The following TRAPPC9 variants were observed in gnomAD, a reference collection of about 807,000 sequenced individuals.
TRAPPC9 encodes the protein trafficking protein particle complex subunit 9.
TRAPPC9 carries 83 observed loss-of-function variants against 124.0 expected under a neutral mutation model. That is an observed-to-expected ratio of 0.67 (90% CI 0.56 to 0.80). The LOEUF (loss-of-function observed/expected upper bound fraction) is 0.80. TRAPPC9 is among the 30% of genes least tolerant of loss of function. TRAPPC9 has a pLI of 0.00. For synonymous variants in TRAPPC9, 638 were observed against 617.5 expected, an observed-to-expected ratio of 1.03 and a Z score of -0.49; for missense variants, 1,302 against 1,508.3, an observed-to-expected ratio of 0.86 and a Z score of 2.27.
At chr8:140,092,828 T>C (rs1844663790) in intron 17 of TRAPPC9, among the ~76,000 whole-genome samples, 1 of 152,192 alleles carries the variant, frequency 6.6e-6, no homozygotes, top group South Asian at 2.1e-4. Flanking sequence ...AGCATAAGGG[T>C]TAAGAGAATG....
intron 9 of TRAPPC9, among the ~76,000 whole-genome samples, chr8:140,345,449 T>C (rs1257251939): frequency 6.6e-6 from 1 of 152,056 alleles, no homozygotes; most frequent in East Asian, 1.9e-4. Context: ...CTCTGGGCCC[T>C]GAGGTCCTGG....
intron 16 of TRAPPC9, among the ~76,000 whole-genome samples, chr8:140,223,496 C>A (rs2063382232): frequency 6.6e-6 from 1 of 152,148 alleles, no homozygotes; most frequent in Non-Finnish European, 1.5e-5. Flanking sequence ...AGCCTAGGAT[C>A]CTTTTCGCTT....
At chr8:140,019,034 AAAT>A (rs1350966453) in intron 18 of TRAPPC9, among the ~76,000 whole-genome samples, 6 of 152,216 alleles carry the variant, frequency 3.9e-5, no homozygotes, top group Non-Finnish European at 8.8e-5. Flanking sequence ...GACTTTTGTC[AAAT>A]AATGTTTCTT....
chr8:140,324,864 A>G (rs2066697115), intron 9 of TRAPPC9, among the ~76,000 whole-genome samples: 1 of 152,258 alleles, frequency 6.6e-6, no homozygotes, highest in Non-Finnish European at 1.5e-5. Flanking sequence ...AACTTCTTCA[A>G]CTGACATTCA....
chr8:139,893,007 G>A (rs1468570390), intron 20 of TRAPPC9, among the ~76,000 whole-genome samples: 2 of 152,224 alleles, frequency 1.3e-5, no homozygotes, highest in Admixed American at 6.5e-5. Flanking sequence ...GTGGTCAGGA[G>A]GATGAAAAGA....
At chr8:139,884,640 G>A (rs908960740) in intron 21 of TRAPPC9, among the ~76,000 whole-genome samples, 1 of 152,240 alleles carries the variant, frequency 6.6e-6, no homozygotes, top group Non-Finnish European at 1.5e-5. Flanking sequence ...TAGGGACACG[G>A]CTGACTGTGC....
intron 19 of TRAPPC9, among the ~76,000 whole-genome samples, chr8:139,917,084 C>T (rs540283112): frequency 9.2e-5 from 14 of 151,732 alleles, no homozygotes; most frequent in African/African-American, 2.2e-4. Context: ...GTATGGATCA[C>T]GCCCTGAGAG....
intron 19 of TRAPPC9, among the ~76,000 whole-genome samples, chr8:139,928,022 T>C (rs1052077156): frequency 1.2e-4 from 18 of 152,232 alleles, no homozygotes; most frequent in African/African-American, 3.9e-4. Context: ...GAAAATTCCT[T>C]GCGTATAGAC....
At chr8:140,258,195 G>T (rs965671935) in intron 15 of TRAPPC9, among the ~76,000 whole-genome samples, 10 of 152,256 alleles carry the variant, frequency 6.6e-5, no homozygotes, top group Non-Finnish European at 1.2e-4. Context: ...TCCCCGGAGA[G>T]ACCGCCATTC....
chr8:139,882,977 T>C lies in TRAPPC9; in HGVS notation c.3055+2902A>G, dbSNP rs372252841. Among the ~76,000 whole-genome samples, 30 of 152,358 alleles carry C rather than the reference T, an allele frequency of 2.0e-4. No individual in the cohort carries two copies. The South Asian group carries it at 5.8e-3, about 29-fold the overall frequency. On this transcript the variant is annotated intron_variant, in intron 21 of 22. Transcript: ENST00000438773. ...TGAAAAAAGGGTGCTACGGATTGAATGTCTCCTCCAAAACTCACGTTGAAA... is the reference window on the plus strand; with the variant it reads ...TGAAAAAAGGGTGCTACGGATTGAACGTCTCCTCCAAAACTCACGTTGAAA...
At chr8:140,358,558 G>A (rs940815565) in intron 9 of TRAPPC9, among the ~76,000 whole-genome samples, 6 of 152,174 alleles carry the variant, frequency 3.9e-5, no homozygotes, top group African/African-American at 1.2e-4. Flanking sequence ...CACACCCCAC[G>A]TTACCCTGGA....
In TRAPPC9 at chr8:140,311,337, C is replaced by G. The variant is rs750274973; in HGVS notation, c.1533G>C (p.Thr511=). 3.7e-6 allele frequency: 6 copies of G among 1,613,906 alleles called. No individual in the cohort carries two copies. The highest frequency in any genetic ancestry group is 1.3e-5 in the African/African-American group (1 of 75,026). ...GCTCCATGGTCCCAGGACACTTGGACGTATAGTTCTCTAGGCTTTGGGCCA... is the reference window on the plus strand; with the variant it reads ...GCTCCATGGTCCCAGGACACTTGGAGGTATAGTTCTCTAGGCTTTGGGCCA... ...KDVAQSLENY[T]SKCPGTMEPI... The change falls in exon 10 of 23, where the codon ACG becomes ACC. Residue 511 remains threonine (T), a synonymous_variant. Transcript: ENST00000438773.
intron 15 of TRAPPC9, among the ~76,000 whole-genome samples, chr8:140,272,130 C>CGATGATGATGGCGATGGTGATGGT (rs2064930084): frequency 1.0e-5 from 1 of 100,382 alleles, no homozygotes; most frequent in African/African-American, 3.4e-5. Context: ...GTGATGGTGG[C>CGATGATGATGGCGATGGTGATGGT]GATGGTGATG....
At chr8:139,986,536 A>G (rs1344498211) in intron 19 of TRAPPC9, among the ~76,000 whole-genome samples, 1 of 152,228 alleles carries the variant, frequency 6.6e-6, no homozygotes, top group Non-Finnish European at 1.5e-5. Flanking sequence ...AAGAGACGCT[A>G]CTGTTAACAT....
chr8:139,950,298 C>T lies in TRAPPC9; in HGVS notation c.2810+38428G>A, dbSNP rs74352180. The stretch of plus-strand genomic sequence containing the variant: ...CACAAATACTTTTTACTTGGCAAAC[C>T]GCGGAGCTCAGGCTTTTTATCGCTT... On this transcript the variant is annotated intron_variant, in intron 19 of 22. Transcript: ENST00000438773. Among the ~76,000 whole-genome samples the T allele has an allele frequency of 4.4e-3, 663 of 152,340 alleles. 10 individuals carry two copies. Among genetic ancestry groups the T allele is most frequent in the East Asian group, 0.016 (82 of 5,192 alleles).
intron 17 of TRAPPC9, among the ~76,000 whole-genome samples, chr8:140,047,940 G>A (rs1435641830): frequency 6.6e-6 from 1 of 152,208 alleles, no homozygotes; most frequent in East Asian, 1.9e-4. Context: ...CTGCCAGCAA[G>A]GCAGGGTCCA....
At chr8:139,966,367 G>A (rs1026277393) in intron 19 of TRAPPC9, among the ~76,000 whole-genome samples, 4 of 152,190 alleles carry the variant, frequency 2.6e-5, no homozygotes, top group Admixed American at 1.3e-4. Context: ...ACCCAGGGCT[G>A]AGACTTCTCA....
chr8:140,145,248 A>C (rs556922118), intron 17 of TRAPPC9, among the ~76,000 whole-genome samples: 34 of 152,004 alleles, frequency 2.2e-4, no homozygotes, highest in Non-Finnish European at 3.5e-4. Flanking sequence ...CTCATCTACA[A>C]ATAAGGACAG....
intron 5 of TRAPPC9, among the ~76,000 whole-genome samples, chr8:140,415,405 A>C (rs1384718694): frequency 6.6e-6 from 1 of 151,512 alleles, no homozygotes; most frequent in Non-Finnish European, 1.5e-5. Context: ...AATACAAAAA[A>C]TTAGCCGGGC....
Sources: allele counts gnomAD v4.1 joint callset (sites outside exome capture counted in the v4.1 genomes callset), GRCh38; gene constraint gnomAD v4.1.1; transcripts MANE v1.5; gene names NCBI Gene and HGNC (gene_info 2026-07-23, HGNC 2026-07-21).